Variants in CADPS2 observed in about 807,000 individuals in gnomAD.
CADPS2 encodes the protein calcium dependent secretion activator 2.
CADPS2 carries 93 observed loss-of-function variants against 172.5 expected under a neutral mutation model. The ratio of observed to expected loss-of-function variants is 0.54; its 90% CI spans 0.46 to 0.64. The LOEUF (loss-of-function observed/expected upper bound fraction) is 0.64, where lower values mean the gene tolerates loss of function less well. CADPS2 is among the 30% of genes least tolerant of loss of function. CADPS2 has a pLI of 0.00. For synonymous variants in CADPS2, 546 were observed against 555.2 expected (o/e 0.98, Z 0.23); for missense variants, 1,420 against 1,565.9 (o/e 0.91, Z 1.57).
chr7:122,762,507 G>T (rs575181750), intron 1 of CADPS2, among the ~76,000 whole-genome samples: 1 of 152,184 alleles, frequency 6.6e-6, no homozygotes, highest in African/African-American at 2.4e-5. Context: ...TAAGAACAGA[G>T]AAAAGACTTC....
intron 7 of CADPS2, among the ~76,000 whole-genome samples, chr7:122,575,506 G>A (rs1336885262): frequency 2.0e-5 from 3 of 149,972 alleles, no homozygotes; most frequent in Non-Finnish European, 3.0e-5. Flanking sequence ...GCACGATCTC[G>A]GCTCACTGCA....
intron 29 of CADPS2, among the ~76,000 whole-genome samples, chr7:122,323,317 A>G (rs1242783003): frequency 6.6e-6 from 1 of 152,276 alleles, no homozygotes; most frequent in Admixed American, 6.5e-5. Context: ...ATATTCATGA[A>G]AATTAATTTC....
chr7:122,570,086 T>A, intron 7 of CADPS2, among the ~76,000 whole-genome samples: 1 of 148,432 alleles, frequency 6.7e-6, no homozygotes. Context: ...ACCATCAGAG[T>A]GAACAGGCAA....
intron 6 of CADPS2, among the ~76,000 whole-genome samples, chr7:122,584,670 T>G (rs187544939): frequency 2.5e-4 from 38 of 152,000 alleles, no homozygotes; most frequent in African/African-American, 8.2e-4. Context: ...TTTCTTCCAT[T>G]CCGGGCAAGC....
intron 1 of CADPS2, among the ~76,000 whole-genome samples, chr7:122,858,913 T>C (rs1816123893): frequency 6.6e-6 from 1 of 152,184 alleles, no homozygotes. Context: ...AATGTTAATA[T>C]GCATTTGGCC....
chr7:122,820,010 C>T (rs1023909750), intron 1 of CADPS2, among the ~76,000 whole-genome samples: 2 of 152,130 alleles, frequency 1.3e-5, no homozygotes, highest in African/African-American at 4.8e-5. Flanking sequence ...TACAATTCCC[C>T]CATTTTACCT....
rs2150637837 is a variant in CADPS2 at position 122,318,842 on chromosome 7, AT to A, written c.*1322del. ...CGAATCTGGAGGTCCAAGTTGTTTC[AT>A]TTCTAAAGTTTCAGAATAAACGTTT... On this transcript the variant is annotated 3_prime_UTR_variant, in exon 30 of 30. Coordinates refer to ENST00000449022, the MANE Select transcript of CADPS2 (RefSeq NM_017954.11). 1 of 152,312 alleles carries A rather than the reference AT, an allele frequency of 6.6e-6. No individual in the cohort carries two copies. The highest frequency in any genetic ancestry group is 2.1e-4 in the South Asian group (1 of 4,826). 9.4% of individuals were successfully genotyped at this position (152,312 alleles called of 1,614,324 possible). A position where few individuals can be genotyped will look rare whatever the true frequency, so the allele number is the denominator to read the frequency against.
At position 122,442,001 on chromosome 7, in the gene CADPS2, T is replaced by C. The variant is rs191612469; in HGVS notation, c.2289-426A>G. Among the ~76,000 whole-genome samples the C allele has an allele frequency of 2.9e-3, 448 of 152,320 alleles. 1 individual carries two copies. Among genetic ancestry groups the C allele is most frequent in the Middle Eastern group, 6.8e-3 (2 of 294 alleles). ...GGTGGCCACATATACCACAGCAAGA[T>C]TCCAGCTCTTTCCTTTGCTGACATT... On this transcript the variant is annotated intron_variant, in intron 15 of 29. Transcript: ENST00000449022.
chr7:122,832,242 G>A (rs1270922870), intron 1 of CADPS2, among the ~76,000 whole-genome samples: 1 of 149,952 alleles, frequency 6.7e-6, no homozygotes, highest in Non-Finnish European at 1.5e-5. Flanking sequence ...CAGTTTTCAA[G>A]ATCAAGGTCT....
intron 1 of CADPS2, among the ~76,000 whole-genome samples, chr7:122,808,336 A>G (rs1395728252): frequency 6.6e-6 from 1 of 152,226 alleles, no homozygotes; most frequent in Non-Finnish European, 1.5e-5. Flanking sequence ...TAGAATTAAG[A>G]AAGTAAAATG....
chr7:122,340,430 A>T (rs1210030399), intron 28 of CADPS2, among the ~76,000 whole-genome samples: 2 of 152,152 alleles, frequency 1.3e-5, no homozygotes, highest in Non-Finnish European at 2.9e-5. Context: ...TGGTTTAGAG[A>T]GTTAGGTAGG....
intron 2 of CADPS2, chr7:122,701,778 T>C: frequency 2.6e-6 from 3 of 1,174,142 alleles, no homozygotes; most frequent in Non-Finnish European, 3.7e-6. Flanking sequence ...ACAATTTATC[T>C]AATCTTTGTA....
intron 12 of CADPS2, among the ~76,000 whole-genome samples, chr7:122,479,839 A>G (rs2057083911): frequency 1.3e-5 from 2 of 152,204 alleles, no homozygotes; most frequent in African/African-American, 4.8e-5. Context: ...ATGTTAGTTT[A>G]TATTTTAATT....
chr7:122,476,195 GAAACT>G, intron 12 of CADPS2, among the ~76,000 whole-genome samples: 1 of 151,822 alleles, frequency 6.6e-6, no homozygotes, highest in South Asian at 2.1e-4. Context: ...TCATTTTTAT[GAAACT>G]AAATTACTAG....
At chr7:122,386,987 C>A (rs1185314050) in intron 24 of CADPS2, 39 bp downstream of exon 24, 1 of 1,543,110 alleles carries the variant, frequency 6.5e-7, no homozygotes, top group African/African-American at 1.4e-5. Flanking sequence ...TGCCAAGGCA[C>A]CCTGTGCTGC....
At chr7:122,743,493 C>T (rs1276138025) in intron 1 of CADPS2, among the ~76,000 whole-genome samples, 1 of 152,124 alleles carries the variant, frequency 6.6e-6, no homozygotes, top group East Asian at 1.9e-4. Context: ...AGTCTCAGTA[C>T]TTACAGTGGA....
chr7:122,628,333 A>G (rs184523288), intron 4 of CADPS2, among the ~76,000 whole-genome samples: 120 of 152,240 alleles, frequency 7.9e-4, no homozygotes, highest in African/African-American at 2.9e-3. Context: ...GAATGCTGGA[A>G]GAGTTCATTA....
chr7:122,354,263 T>C (rs1274638081), intron 27 of CADPS2: 2 of 152,178 alleles, frequency 1.3e-5, no homozygotes, highest in Non-Finnish European at 2.9e-5. Flanking sequence ...TTCTAGGAAC[T>C]GTGAAAACTG....
At chr7:122,461,530 C>T (rs1309050262) in intron 14 of CADPS2, among the ~76,000 whole-genome samples, 1 of 152,012 alleles carries the variant, frequency 6.6e-6, no homozygotes, top group African/African-American at 2.4e-5. Flanking sequence ...AAAAAGCATC[C>T]AGAGGAAAAA....
Sources: allele counts gnomAD v4.1 joint callset (sites outside exome capture counted in the v4.1 genomes callset), GRCh38; gene constraint gnomAD v4.1.1; transcripts MANE v1.5; gene names NCBI Gene and HGNC (gene_info 2026-07-23, HGNC 2026-07-21).